The following GRIK2 variants were observed in gnomAD, a reference collection of about 807,000 sequenced individuals.
GRIK2 encodes glutamate receptor ionotropic, kainate 2.
In GRIK2, 32 loss-of-function variants were observed where a neutral mutation model predicts 100.3. The ratio of observed to expected loss-of-function variants is 0.32; its 90% CI spans 0.24 to 0.43. The LOEUF (loss-of-function observed/expected upper bound fraction) is 0.43. Ranked by LOEUF, GRIK2 falls within the 20% of genes least tolerant of loss-of-function variation. The pLI, the probability that GRIK2 is intolerant of heterozygous loss-of-function variation, is 1.00. For missense variants in GRIK2, 843 were observed against 1,114.9 expected (o/e 0.76, Z 3.47); for synonymous variants, 417 against 389.4 (o/e 1.07, Z -0.83).
intron 2 of GRIK2, among the ~76,000 whole-genome samples, chr6:101,603,389 T>C (rs968445742): frequency 6.6e-6 from 1 of 151,586 alleles, no homozygotes; most frequent in African/African-American, 2.4e-5. Context: ...TTGTAGATCA[T>C]TGGAGGAGAG....
chr6:101,627,089 A>ATGTG (rs377491038), intron 4 of GRIK2, among the ~76,000 whole-genome samples: 1 of 147,622 alleles, frequency 6.8e-6, no homozygotes, highest in African/African-American at 2.5e-5. Context: ...ATATTGAATA[A>ATGTG]TGTGTGTGTG....
At chr6:101,776,552 A>C (rs2128400013) in intron 7 of GRIK2, among the ~76,000 whole-genome samples, 2 of 152,286 alleles carry the variant, frequency 1.3e-5, no homozygotes, top group Middle Eastern at 3.4e-3. Flanking sequence ...TTATAGATGA[A>C]GAAACTGAAG....
chr6:101,793,844 G>C (rs948948676), intron 7 of GRIK2, among the ~76,000 whole-genome samples: 1 of 152,168 alleles, frequency 6.6e-6, no homozygotes, highest in African/African-American at 2.4e-5. Flanking sequence ...AGACCTCCTT[G>C]AGCTGTGGTG....
At chr6:102,022,599 C>T (rs75980510) in intron 14 of GRIK2, among the ~76,000 whole-genome samples, 2,300 of 151,718 alleles carry the variant, frequency 0.015, 31 homozygotes, top group Non-Finnish European at 0.023. Context: ...TTGAATGTTT[C>T]CTTCAGCTAT....
rs1336231869 is a variant in GRIK2 at position 102,051,017 on chromosome 6, G to A, written c.2312-4313G>A. ...TATTACATAAAAATATTTGATTAAA[G>A]TTTAACATAAAAGGGACATTTAGAG... is the stretch of plus-strand genomic sequence containing the variant. On this transcript the variant is annotated intron_variant, in intron 15 of 16. Coordinates refer to ENST00000369134, the MANE Select transcript of GRIK2 (RefSeq NM_021956.5). 3.3e-5 allele frequency among the ~76,000 whole-genome samples: 5 copies of A among 152,112 alleles called. No homozygotes were observed. In the East Asian group the frequency reaches 7.7e-4, roughly 24 times the overall value.
Position 101,512,944 on chromosome 6 carries a change from C to A in GRIK2, c.116-109005C>A, listed in dbSNP as rs115671366. Among the ~76,000 whole-genome samples, 683 of 151,744 alleles carry A rather than the reference C, an allele frequency of 4.5e-3. 9 individuals are homozygous for A. Among genetic ancestry groups the A allele is most frequent in the African/African-American group, 0.016 (659 of 41,356 alleles). ...GTGTAGTACTACTACTATTTTCTTG[C>A]TTTGCTGTTTTTTTCTTGTCTGACA... is the stretch of plus-strand genomic sequence containing the variant. On this transcript the variant is annotated intron_variant, in intron 2 of 16. Coordinates refer to ENST00000369134, the MANE Select transcript of GRIK2 (RefSeq NM_021956.5).
chr6:101,620,135 A>C, intron 2 of GRIK2: 1 of 305,752 alleles, frequency 3.3e-6, no homozygotes, highest in South Asian at 1.3e-4. Context: ...ACTGCCCAAA[A>C]TTATACAGAT....
intron 14 of GRIK2, among the ~76,000 whole-genome samples, chr6:102,025,939 C>G (rs1769674287): frequency 1.3e-5 from 2 of 150,536 alleles, no homozygotes; most frequent in Admixed American, 6.7e-5. Context: ...CTGAAAAGGC[C>G]TGGCGTTAAG....
At chr6:101,881,170 T>A (rs948212610) in intron 11 of GRIK2, among the ~76,000 whole-genome samples, 35 of 152,060 alleles carry the variant, frequency 2.3e-4, no homozygotes, top group African/African-American at 8.2e-4. Flanking sequence ...ATTTGATTAA[T>A]GTTTTTCAAG....
At chr6:101,708,028 T>C (rs1423838140) in intron 7 of GRIK2, among the ~76,000 whole-genome samples, 1 of 151,746 alleles carries the variant, frequency 6.6e-6, no homozygotes, top group East Asian at 1.9e-4. Context: ...AAATAATATA[T>C]GGTTCCCAAT....
At chr6:101,572,822 ATTTATTT>A (rs1777612718) in intron 2 of GRIK2, among the ~76,000 whole-genome samples, 1 of 60,750 alleles carries the variant, frequency 1.6e-5, no homozygotes, top group Non-Finnish European at 4.1e-5. Flanking sequence ...TTTATTATTT[ATTTATTT>A]ATTTATTTAT....
rs1785982338 is a variant in GRIK2 at position 101,878,077 on chromosome 6, ATATTATATTATATTATATTATATTATAT to A, written c.1525-11559_1525-11532del. Among the ~76,000 whole-genome samples, 3 of 51,938 alleles carry A rather than the reference ATATTATATTATATTATATTATATTATAT, an allele frequency of 5.8e-5. 1 individual carries two copies. The highest frequency in any genetic ancestry group is 2.8e-4 in the African/African-American group (3 of 10,820). 34.1% of individuals were successfully genotyped at this position (51,938 alleles called of 152,430 possible). A position where few individuals can be genotyped will look rare whatever the true frequency, so the allele number is the denominator to read the frequency against. ...TGCTTAGAATCGTGCCAGGTATATT[ATATTATATTATATTATATTATATTATAT>A]TATATTATATTATATTATATTATAT... On this transcript the variant is annotated intron_variant, in intron 11 of 16. Transcript: ENST00000369134.
At chr6:101,769,924 C>T (rs1778292423) in intron 7 of GRIK2, among the ~76,000 whole-genome samples, 1 of 152,124 alleles carries the variant, frequency 6.6e-6, no homozygotes, top group Admixed American at 6.6e-5. Context: ...ACAAGGTTAT[C>T]GCCAGTCCGA....
intron 4 of GRIK2, 74 bp downstream of exon 4, chr6:101,626,711 A>T: frequency 2.3e-6 from 3 of 1,326,990 alleles, no homozygotes; most frequent in Non-Finnish European, 3.2e-6. Flanking sequence ...CCAGGTTCTT[A>T]TTGTATTCTT....
intron 15 of GRIK2, among the ~76,000 whole-genome samples, chr6:102,046,411 G>C (rs1770889308): frequency 6.6e-6 from 1 of 151,880 alleles, no homozygotes; most frequent in Non-Finnish European, 1.5e-5. Context: ...TTGGATCATG[G>C]GGGCAGATTT....
At chr6:101,722,057 T>C (rs542893055) in intron 7 of GRIK2, among the ~76,000 whole-genome samples, 190 of 152,124 alleles carry the variant, frequency 1.2e-3, no homozygotes, top group Non-Finnish European at 2.2e-3. Context: ...AAGTGATGTT[T>C]CTACTTCATT....
intron 10 of GRIK2, among the ~76,000 whole-genome samples, chr6:101,839,263 C>T (rs549005838): frequency 6.6e-6 from 1 of 152,314 alleles, no homozygotes; most frequent in East Asian, 1.9e-4. Context: ...GCTTACTTTT[C>T]ACCAATCCTT....
chr6:101,481,445 T>G, intron 2 of GRIK2, among the ~76,000 whole-genome samples: 1 of 152,156 alleles, frequency 6.6e-6, no homozygotes, highest in East Asian at 1.9e-4. Flanking sequence ...GCTCTAGCTA[T>G]TGATAATACC....
intron 10 of GRIK2, among the ~76,000 whole-genome samples, chr6:101,834,887 C>G (rs1308865522): frequency 6.6e-6 from 1 of 152,024 alleles, no homozygotes; most frequent in Non-Finnish European, 1.5e-5. Flanking sequence ...CACCTGTGGT[C>G]CCAGCTACTG....
Sources: gnomAD v4.1 joint callset for allele counts (sites outside exome capture counted in the v4.1 genomes callset) on GRCh38, gnomAD v4.1.1 for gene constraint, MANE v1.5 for transcripts, NCBI Gene and HGNC (gene_info 2026-07-23, HGNC 2026-07-21) for gene names.